Variants in CADPS observed in about 807,000 individuals in gnomAD.
CADPS encodes the protein calcium dependent secretion activator, also known as calcium-dependent secretion activator 1.
CADPS carries 57 observed loss-of-function variants against 167.3 expected under a neutral mutation model. The ratio of observed to expected loss-of-function variants is 0.34; its 90% CI spans 0.28 to 0.42. The LOEUF is 0.42. Among genes scored for constraint, CADPS ranks in the 20% least tolerant of loss-of-function variants. CADPS has a pLI of 1.00. For synonymous variants in CADPS, 676 were observed against 635.3 expected, an observed-to-expected ratio of 1.06 and a Z score of -0.96; for missense variants, 1,414 against 1,738.1, an observed-to-expected ratio of 0.81 and a Z score of 3.32.
intron 3 of CADPS, among the ~76,000 whole-genome samples, chr3:62,685,770 A>G (rs563060734): frequency 2.0e-5 from 3 of 151,994 alleles, no homozygotes; most frequent in Non-Finnish European, 4.4e-5. Flanking sequence ...CTCATAAGGA[A>G]CACACAACCT....
intron 6 of CADPS, among the ~76,000 whole-genome samples, chr3:62,614,157 A>C (rs1314119547): frequency 6.6e-6 from 1 of 152,324 alleles, no homozygotes; most frequent in East Asian, 1.9e-4. Context: ...GGGCCAGGCA[A>C]TGTTTCAAGA....
intron 26 of CADPS, among the ~76,000 whole-genome samples, chr3:62,447,541 A>G (rs2057399222): frequency 6.6e-6 from 1 of 152,108 alleles, no homozygotes; most frequent in Non-Finnish European, 1.5e-5. Context: ...TTCACCTGGT[A>G]CCAGCTTAGA....
intron 1 of CADPS, among the ~76,000 whole-genome samples, chr3:62,871,548 G>A (rs1247525572): frequency 6.6e-6 from 1 of 152,046 alleles, no homozygotes; most frequent in Non-Finnish European, 1.5e-5. Flanking sequence ...ATAGGATTTG[G>A]AATCAGAATG....
At chr3:62,865,123 A>G (rs2081446773) in intron 1 of CADPS, among the ~76,000 whole-genome samples, 1 of 152,188 alleles carries the variant, frequency 6.6e-6, no homozygotes. Flanking sequence ...TCGCCAATGT[A>G]GATGTTCAGG....
intron 1 of CADPS, among the ~76,000 whole-genome samples, chr3:62,855,498 A>G (rs1217795682): frequency 6.6e-6 from 1 of 152,164 alleles, no homozygotes; most frequent in Middle Eastern, 3.2e-3. Flanking sequence ...GTAAAAACAT[A>G]TTAGAAACCA....
intron 5 of CADPS, among the ~76,000 whole-genome samples, chr3:62,650,404 G>C (rs2069792933): frequency 6.6e-6 from 1 of 152,112 alleles, no homozygotes; most frequent in Admixed American, 6.5e-5. Context: ...CTTACTTTGG[G>C]AGCTGAGATA....
rs778581456 is a variant in CADPS, at chr3:62,765,988, T to C, written c.442-4A>G. 4 of 1,600,086 alleles carry C rather than the reference T, an allele frequency of 2.5e-6. No individual in the cohort carries two copies. Among genetic ancestry groups the C allele is most frequent in the Non-Finnish European group, 2.6e-6 (3 of 1,168,122 alleles). On this transcript the variant is annotated splice_region_variant and splice_polypyrimidine_tract_variant and intron_variant, in intron 1 of 29. Coordinates refer to ENST00000383710, the MANE Select transcript of CADPS (RefSeq NM_003716.4). ...TCTGCAGCTGCTGTTTGCTGATCTG[T>C]AAGAAACAGAAAAAGAGGGAAATGT...
intron 1 of CADPS, among the ~76,000 whole-genome samples, chr3:62,859,341 A>G (rs1326327789): frequency 6.6e-6 from 1 of 152,202 alleles, no homozygotes; most frequent in Non-Finnish European, 1.5e-5. Flanking sequence ...CACACAAGCA[A>G]ATGGAGGCGG....
chr3:62,527,237 C>T (rs775953554), intron 13 of CADPS, among the ~76,000 whole-genome samples: 2 of 152,172 alleles, frequency 1.3e-5, no homozygotes, highest in Non-Finnish European at 2.9e-5. Context: ...AGGAAAAATG[C>T]AGCTCATCAC....
intron 3 of CADPS, among the ~76,000 whole-genome samples, chr3:62,716,117 T>C (rs304198): frequency 0.062 from 9,356 of 152,124 alleles, 331 homozygotes; most frequent in Middle Eastern, 0.095. Flanking sequence ...TGGAATGTAG[T>C]GGCATGATCT....
chr3:62,404,881 G>A (rs894282516), intron 28 of CADPS: 4 of 151,202 alleles, frequency 2.6e-5, no homozygotes, highest in South Asian at 4.2e-4. Context: ...TTCCCCTCTA[G>A]GGGTGAGAAC....
intron 7 of CADPS, 103 bp downstream of exon 7, chr3:62,592,534 C>G (rs2086286964): frequency 1.2e-6 from 1 of 818,442 alleles, no homozygotes; most frequent in Admixed American, 2.1e-5. Flanking sequence ...CAAAACTGAG[C>G]CTCTCAGCAC....
At chr3:62,548,010 T>C (rs1024930392) in intron 11 of CADPS, among the ~76,000 whole-genome samples, 8 of 152,082 alleles carry the variant, frequency 5.3e-5, no homozygotes, top group African/African-American at 1.7e-4. Context: ...TTAGAAGAAA[T>C]GAAGATTATT....
intron 3 of CADPS, among the ~76,000 whole-genome samples, chr3:62,752,373 T>C (rs1451004743): frequency 6.6e-6 from 1 of 152,228 alleles, no homozygotes. Context: ...TGAAAGTAGA[T>C]ACCAGCAATA....
intron 1 of CADPS, among the ~76,000 whole-genome samples, chr3:62,846,710 T>A (rs546622021): frequency 6.6e-6 from 1 of 152,142 alleles, no homozygotes; most frequent in Non-Finnish European, 1.5e-5. Flanking sequence ...CTGTGTCACC[T>A]AGGAGTGCAG....
At chr3:62,413,640 A>G (rs1401887937) in intron 28 of CADPS, among the ~76,000 whole-genome samples, 1 of 152,168 alleles carries the variant, frequency 6.6e-6, no homozygotes, top group African/African-American at 2.4e-5. Flanking sequence ...AATGGGTGAG[A>G]GTTTCAGTTT....
At chr3:62,668,991 A>G (rs1468321207) in intron 3 of CADPS, among the ~76,000 whole-genome samples, 1 of 152,202 alleles carries the variant, frequency 6.6e-6, no homozygotes, top group East Asian at 1.9e-4. Flanking sequence ...AGCAAGTGCC[A>G]TTCTCTGCAG....
intron 26 of CADPS, among the ~76,000 whole-genome samples, chr3:62,459,375 T>C (rs2059067452): frequency 6.6e-6 from 1 of 152,216 alleles, no homozygotes; most frequent in Admixed American, 6.5e-5. Context: ...GTCTGTACCA[T>C]AGGCAAGCTC....
intron 17 of CADPS, among the ~76,000 whole-genome samples, chr3:62,501,502 C>T (rs549520252): frequency 1.2e-4 from 18 of 152,192 alleles, no homozygotes; most frequent in African/African-American, 2.4e-4. Flanking sequence ...ATTACCCATT[C>T]GACACATACA....
Sources: allele counts gnomAD v4.1 joint callset (sites outside exome capture counted in the v4.1 genomes callset), GRCh38; gene constraint gnomAD v4.1.1; transcripts MANE v1.5; gene names NCBI Gene and HGNC (gene_info 2026-07-23, HGNC 2026-07-21).